Variants in TRIM24 observed in about 807,000 individuals in gnomAD.
The protein encoded by TRIM24 is tripartite motif containing 24.
A neutral mutation model predicts 123.9 loss-of-function variants in TRIM24; 29 were observed. That is an observed-to-expected ratio of 0.23 (90% CI 0.17 to 0.32). The LOEUF is 0.32. Among genes scored for constraint, TRIM24 ranks in the 10% least tolerant of loss-of-function variants. The pLI is 1.00. For missense variants in TRIM24, 932 were observed against 1,295.3 expected (o/e 0.72, Z 4.31); for synonymous variants, 456 against 461.1 (o/e 0.99, Z 0.14).
At position 138,579,225 on chromosome 7, in the gene TRIM24, C is replaced by G; in HGVS notation, c.2278C>G (p.Leu760Val). ...ACAGGCCAATTATCCAAGAAGCATACTCACCTCCCTGCTCTTAAATAGCAG... is the reference window on the plus strand; with the variant it reads ...ACAGGCCAATTATCCAAGAAGCATAGTCACCTCCCTGCTCTTAAATAGCAG... ...PQNANYPRSI[L>V]TSLLLNSSQS... is the part of the protein sequence containing the mutation. The change falls in exon 15 of 19, where the codon CTC becomes GTC. Residue 760 changes from leucine to valine, a missense_variant. This residue lies in a region of TRIM24 where 527 missense variants were observed against 691.3 expected (regional missense o/e 0.76). Coordinates refer to ENST00000343526, the MANE Select transcript of TRIM24 (RefSeq NM_015905.3). 1 of 1,589,748 alleles carries G rather than the reference C, an allele frequency of 6.3e-7. No homozygotes were observed. Among genetic ancestry groups the G allele is most frequent in the Non-Finnish European group, 8.6e-7 (1 of 1,168,442 alleles).
chr7:138,523,241 A>G (rs1196068918), intron 4 of TRIM24, among the ~76,000 whole-genome samples: 2 of 152,214 alleles, frequency 1.3e-5, no homozygotes, highest in Non-Finnish European at 2.9e-5. Flanking sequence ...CCATATTTCA[A>G]ATGCATTTTC....
chr7:138,559,532 A>G (rs79303166), intron 9 of TRIM24, among the ~76,000 whole-genome samples: 3,327 of 152,294 alleles, frequency 0.022, 104 homozygotes, highest in African/African-American at 0.073. Context: ...CTCACGCTTC[A>G]GCCGTGCATA....
At chr7:138,506,340 A>G (rs1348212023) in intron 2 of TRIM24, among the ~76,000 whole-genome samples, 2 of 152,210 alleles carry the variant, frequency 1.3e-5, no homozygotes, top group Non-Finnish European at 2.9e-5. Context: ...AAGTCCTCTG[A>G]AAGTTCTCTT....
At chr7:138,504,973 C>G (rs7803989) in intron 2 of TRIM24, among the ~76,000 whole-genome samples, 66,898 of 151,354 alleles carry the variant, frequency 0.44, 15,584 homozygotes, top group African/African-American at 0.5. Context: ...GTTGGCCAGG[C>G]TGGTCTCGAA....
intron 1 of TRIM24, among the ~76,000 whole-genome samples, chr7:138,501,984 G>GA (rs972542482): frequency 1.3e-5 from 2 of 151,778 alleles, no homozygotes; most frequent in East Asian, 1.9e-4. Flanking sequence ...TTCTAGTACT[G>GA]AAAAAAAAGG....
At chr7:138,472,842 T>C (rs1460178426) in intron 1 of TRIM24, among the ~76,000 whole-genome samples, 1 of 152,166 alleles carries the variant, frequency 6.6e-6, no homozygotes, top group African/African-American at 2.4e-5. Context: ...ATGATCTTGG[T>C]TGGTTTACAT....
Position 138,529,154 on chromosome 7 carries a change from A to G in TRIM24, c.920A>G (p.Gln307Arg). The part of the protein sequence containing the change: ...EVNQNQKQVE[Q>R]DIKVAIFTLM... ...AATCAAAATCAAAAGCAGGTGGAAC[A>G]GGATATTAAAGTTGCTATATTTACA... The change falls in exon 6 of 19, where the codon CAG becomes CGG. Residue 307 changes from glutamine to arginine, a missense_variant. By Grantham distance (43) the Gln-to-Arg change is conservative. Transcript: ENST00000343526. 2.5e-6 allele frequency: 4 copies of G among 1,573,984 alleles called. No individual in the cohort carries two copies. Among genetic ancestry groups the G allele is most frequent in the Non-Finnish European group, 3.4e-6 (4 of 1,164,762 alleles).
At chr7:138,555,481 AAT>A (rs1563058353) in intron 9 of TRIM24, among the ~76,000 whole-genome samples, 2 of 149,132 alleles carry the variant, frequency 1.3e-5, no homozygotes, top group Non-Finnish European at 3.0e-5. Flanking sequence ...ACTATAATCC[AAT>A]TTTTTTTTTT....
chr7:138,488,294 A>AG (rs202067905), intron 1 of TRIM24, among the ~76,000 whole-genome samples: 1 of 151,418 alleles, frequency 6.6e-6, no homozygotes, highest in East Asian at 1.9e-4. Flanking sequence ...CAAAAAAAAA[A>AG]CAGCTCCTGA....
chr7:138,483,953 G>A (rs1014653212), intron 1 of TRIM24, among the ~76,000 whole-genome samples: 2 of 152,100 alleles, frequency 1.3e-5, no homozygotes, highest in African/African-American at 4.8e-5. Context: ...GTGGGGAGGA[G>A]AACTTGTGGT....
At chr7:138,475,188 G>A (rs1048291266) in intron 1 of TRIM24, among the ~76,000 whole-genome samples, 1 of 152,102 alleles carries the variant, frequency 6.6e-6, no homozygotes, top group South Asian at 2.1e-4. Flanking sequence ...GAATGGTGAG[G>A]GGGGAAGAAT....
chr7:138,530,094 T>C (rs181989841), intron 6 of TRIM24, among the ~76,000 whole-genome samples: 2 of 152,300 alleles, frequency 1.3e-5, no homozygotes, highest in Non-Finnish European at 1.5e-5. Context: ...CTGTGTATTA[T>C]CAGCTGTACA....
At chr7:138,468,839 C>T (rs1218821038) in intron 1 of TRIM24, among the ~76,000 whole-genome samples, 1 of 152,200 alleles carries the variant, frequency 6.6e-6, no homozygotes, top group Non-Finnish European at 1.5e-5. Context: ...GCTCCCTTCT[C>T]CCAAGTGCTT....
chr7:138,532,566 G>T (rs1467317047), intron 6 of TRIM24, among the ~76,000 whole-genome samples: 1 of 152,130 alleles, frequency 6.6e-6, no homozygotes, highest in Non-Finnish European at 1.5e-5. Flanking sequence ...TGTTCCAAAG[G>T]TCTATATCTC....
At chr7:138,563,499 T>C (rs149906591) in intron 9 of TRIM24, among the ~76,000 whole-genome samples, 5 of 152,284 alleles carry the variant, frequency 3.3e-5, no homozygotes, top group African/African-American at 1.2e-4. Flanking sequence ...GCTAACATAT[T>C]GGCCTTTTTC....
chr7:138,578,903 T>A (rs1222895289), intron 14 of TRIM24, among the ~76,000 whole-genome samples: 1 of 151,660 alleles, frequency 6.6e-6, no homozygotes, highest in Non-Finnish European at 1.5e-5. Flanking sequence ...ATAATTTGAA[T>A]GAACAGCTCC....
rs79623537 is a variant in TRIM24, at chr7:138,562,277, C to T, written c.1531-5204C>T. ...GTGGGAGTCTTGTCCAGGTGAACTG[C>T]GACTCGCCCCATTTGCGACTCTCAA... On this transcript the variant is annotated intron_variant, in intron 9 of 18. Transcript: ENST00000343526. Among the ~76,000 whole-genome samples the T allele has an allele frequency of 1.9e-4, 29 of 152,184 alleles. 1 individual carries two copies. The East Asian group carries it at 2.1e-3, about 11-fold the overall frequency.
At chr7:138,505,615 C>T (rs187750124) in intron 2 of TRIM24, among the ~76,000 whole-genome samples, 1 of 152,042 alleles carries the variant, frequency 6.6e-6, no homozygotes, top group African/African-American at 2.4e-5. Flanking sequence ...TAGCTCACTG[C>T]AGTCTCCAAC....
At chr7:138,527,777 G>A (rs1796639348) in intron 5 of TRIM24, among the ~76,000 whole-genome samples, 2 of 152,140 alleles carry the variant, frequency 1.3e-5, no homozygotes, top group Non-Finnish European at 2.9e-5. Flanking sequence ...CTGTAAGAGT[G>A]TTGCTGGAAT....
Sources: allele counts gnomAD v4.1 joint callset (sites outside exome capture counted in the v4.1 genomes callset), GRCh38; gene constraint gnomAD v4.1.1; regional missense constraint gnomAD v4.1.1; transcripts MANE v1.5; gene names NCBI Gene and HGNC (gene_info 2026-07-23, HGNC 2026-07-21).